Variants in METTL15 observed in about 807,000 individuals in gnomAD.
METTL15 encodes methyltransferase 15, mitochondrial 12S rRNA N4-cytidine, also known as 12S rRNA N(4)-cytidine methyltransferase METTL15.
In METTL15, 34 loss-of-function variants were observed where a neutral mutation model predicts 38.3. That is an observed-to-expected ratio of 0.89 (90% CI 0.68 to 1.18). METTL15 has a LOEUF of 1.18. Among genes scored for constraint, METTL15 ranks in the 50% most tolerant of loss-of-function variants. The pLI is 0.00. For synonymous variants in METTL15, 162 were observed against 170.9 expected, an observed-to-expected ratio of 0.95 and a Z score of 0.41; for missense variants, 438 against 498.4, an observed-to-expected ratio of 0.88 and a Z score of 1.15.
chr11:28,168,540 A>C (rs1340711202), intron 3 of METTL15, among the ~76,000 whole-genome samples: 1 of 151,746 alleles, frequency 6.6e-6, no homozygotes, highest in African/African-American at 2.4e-5. Flanking sequence ...ATATGTATAC[A>C]TGTGCCACGT....
At chr11:28,225,011 TA>T (rs1853415010) in intron 4 of METTL15, among the ~76,000 whole-genome samples, 1 of 151,810 alleles carries the variant, frequency 6.6e-6, no homozygotes, top group Admixed American at 6.6e-5. Flanking sequence ...TTTTTTAAGA[TA>T]AAAAGTATTT....
chr11:28,237,323 A>T (rs1257933026), intron 4 of METTL15, among the ~76,000 whole-genome samples: 4 of 151,434 alleles, frequency 2.6e-5, no homozygotes, highest in Admixed American at 6.6e-5. Flanking sequence ...TTTTCTCTAA[A>T]CTTCCCTTCT....
At chr11:28,373,204 C>T (rs1255608839) in intron 5 of METTL15, among the ~76,000 whole-genome samples, 1 of 152,078 alleles carries the variant, frequency 6.6e-6, no homozygotes, top group East Asian at 1.9e-4. Flanking sequence ...ACACTGACTT[C>T]CAAAATGGTT....
intron 6 of METTL15, among the ~76,000 whole-genome samples, chr11:28,462,098 A>G (rs17652117): frequency 0.18 from 26,913 of 152,068 alleles, 2,607 homozygotes; most frequent in Non-Finnish European, 0.22. Context: ...AGTCAAAAAG[A>G]TGTATACAGT....
At chr11:28,231,634 C>G (rs1173120037) in intron 4 of METTL15, among the ~76,000 whole-genome samples, 1 of 151,844 alleles carries the variant, frequency 6.6e-6, no homozygotes, top group African/African-American at 2.4e-5. Flanking sequence ...TCCTTGAAAT[C>G]TAAACTACTT....
At chr11:28,381,693 G>T (rs1850387429) in intron 5 of METTL15, among the ~76,000 whole-genome samples, 1 of 152,066 alleles carries the variant, frequency 6.6e-6, no homozygotes, top group Non-Finnish European at 1.5e-5. Context: ...TTGGTTCTAA[G>T]ATTTGTGTTT....
intron 1 of METTL15, among the ~76,000 whole-genome samples, 166 bp downstream of exon 1, chr11:28,108,618 T>C (rs1851587598): frequency 6.6e-6 from 1 of 152,184 alleles, no homozygotes; most frequent in Non-Finnish European, 1.5e-5. Flanking sequence ...CACATTAATA[T>C]GGGCCAAAAT....
chr11:28,531,968 A>T (rs1851845383), downstream of METTL15, among the ~76,000 whole-genome samples: 1 of 152,066 alleles, frequency 6.6e-6, no homozygotes, highest in Admixed American at 6.6e-5. Flanking sequence ...TCATAGATGA[A>T]AATACCACAT....
chr11:28,374,827 T>C (rs1306126913), intron 5 of METTL15, among the ~76,000 whole-genome samples: 1 of 150,736 alleles, frequency 6.6e-6, no homozygotes, highest in African/African-American at 2.4e-5. Context: ...CTTATTATTT[T>C]GAAATACGTC....
At chr11:28,109,476 A>G (rs1359568367) in intron 1 of METTL15, among the ~76,000 whole-genome samples, 2 of 152,224 alleles carry the variant, frequency 1.3e-5, no homozygotes, top group East Asian at 3.8e-4. Context: ...AGACGTAGGT[A>G]ATATTATTTT....
chr11:28,130,517 A>G (rs1290921212), intron 3 of METTL15, among the ~76,000 whole-genome samples: 1 of 152,168 alleles, frequency 6.6e-6, no homozygotes, highest in Non-Finnish European at 1.5e-5. Context: ...AAGCAGATGT[A>G]TACATGTGAG....
At chr11:28,120,637 T>C (rs1479419575) in intron 3 of METTL15, among the ~76,000 whole-genome samples, 1 of 152,208 alleles carries the variant, frequency 6.6e-6, no homozygotes, top group Non-Finnish European at 1.5e-5. Flanking sequence ...CTTCAACTTC[T>C]GTTTCCCTCT....
chr11:28,401,762 T>G (rs1296847581), intron 5 of METTL15, among the ~76,000 whole-genome samples: 1 of 151,990 alleles, frequency 6.6e-6, no homozygotes, highest in African/African-American at 2.4e-5. Flanking sequence ...CCACTACTCC[T>G]TTGTAATTCA....
At chr11:28,178,639 T>A (rs955319269) in intron 3 of METTL15, among the ~76,000 whole-genome samples, 9 of 151,826 alleles carry the variant, frequency 5.9e-5, no homozygotes, top group Non-Finnish European at 4.4e-5. Context: ...TTTCCCTTAG[T>A]GTATGTGAAG....
intron 6 of METTL15, among the ~76,000 whole-genome samples, chr11:28,492,230 T>C (rs1228402081): frequency 1.3e-5 from 2 of 152,182 alleles, no homozygotes; most frequent in African/African-American, 4.8e-5. Flanking sequence ...ACCCTCTCCA[T>C]TCTAGCTTTC....
intron 3 of METTL15, among the ~76,000 whole-genome samples, chr11:28,201,148 C>G (rs1852098155): frequency 6.6e-6 from 1 of 152,094 alleles, no homozygotes; most frequent in Admixed American, 6.6e-5. Flanking sequence ...AAGGCCTTTT[C>G]TGAGTCTATT....
chr11:28,133,147 C>T (rs964153165), intron 3 of METTL15, among the ~76,000 whole-genome samples: 2 of 152,014 alleles, frequency 1.3e-5, no homozygotes, highest in African/African-American at 2.4e-5. Flanking sequence ...CTTAGGGTAT[C>T]GTAATTTTGT....
intron 3 of METTL15, among the ~76,000 whole-genome samples, chr11:28,116,764 T>A (rs1053984216): frequency 1.6e-4 from 25 of 151,874 alleles, no homozygotes; most frequent in Admixed American, 6.6e-4. Context: ...CTTTAAAAAA[T>A]TTTTTTTTAA....
intron 3 of METTL15, among the ~76,000 whole-genome samples, chr11:28,168,397 GTAAGTAATGAACATAATCT>G (rs1467897504): frequency 6.7e-6 from 1 of 150,354 alleles, no homozygotes. Context: ...ATTGAGTAGG[GTAAGTAATGAACATAATCT>G]TGCATTCATT....
Sources: gnomAD v4.1 joint callset for allele counts (sites outside exome capture counted in the v4.1 genomes callset) on GRCh38, gnomAD v4.1.1 for gene constraint, MANE v1.5 for transcripts, NCBI Gene and HGNC (gene_info 2026-07-23, HGNC 2026-07-21) for gene names.